Variants in ARID4A observed in about 807,000 individuals in gnomAD.
ARID4A encodes AT-rich interactive domain-containing protein 4A.
ARID4A carries 39 observed loss-of-function variants against 148.6 expected under a neutral mutation model. That is an observed-to-expected ratio of 0.26 (90% CI 0.20 to 0.34). The LOEUF (loss-of-function observed/expected upper bound fraction) is 0.34. Among genes scored for constraint, ARID4A ranks in the 10% least tolerant of loss-of-function variants. The pLI, the probability that ARID4A is intolerant of heterozygous loss-of-function variation, is 1.00. For synonymous variants in ARID4A, 475 were observed against 481.2 expected (o/e 0.99, Z 0.17); for missense variants, 1,265 against 1,449.1 (o/e 0.87, Z 2.06).
In ARID4A at chr14:58,341,241, A is replaced by G. The variant is rs550956343; in HGVS notation, c.907-3454A>G. 1.4e-4 allele frequency among the ~76,000 whole-genome samples: 21 copies of G among 152,296 alleles called. 1 individual carries two copies. In the South Asian group the frequency reaches 2.3e-3, roughly 17 times the overall value. ...TTCTTGGCTGAGAAATTTTAAATAT[A>G]CAAATCTGATCTAATTCTCTTTAGC... On this transcript the variant is annotated intron_variant, in intron 11 of 23. Coordinates refer to ENST00000355431, the MANE Select transcript of ARID4A (RefSeq NM_002892.4).
chr14:58,300,941 A>T (rs2031107185), intron 2 of ARID4A, among the ~76,000 whole-genome samples: 1 of 152,170 alleles, frequency 6.6e-6, no homozygotes, highest in South Asian at 2.1e-4. Flanking sequence ...TGCTGAAAGT[A>T]GATGTTTCTT....
At chr14:58,334,581 C>A (rs750107509) in intron 11 of ARID4A, among the ~76,000 whole-genome samples, 3 of 152,144 alleles carry the variant, frequency 2.0e-5, no homozygotes, top group Non-Finnish European at 4.4e-5. Context: ...CTCCATTAAA[C>A]CAATAATCCT....
intron 5 of ARID4A, among the ~76,000 whole-genome samples, chr14:58,312,271 C>T (rs2032098844): frequency 6.7e-6 from 1 of 149,470 alleles, no homozygotes; most frequent in African/African-American, 2.5e-5. Flanking sequence ...GGCTGGAGAG[C>T]AGTGGCGCGA....
chr14:58,310,988 G>A (rs1371427279), intron 5 of ARID4A, among the ~76,000 whole-genome samples: 3 of 152,182 alleles, frequency 2.0e-5, no homozygotes, highest in Non-Finnish European at 2.9e-5. Flanking sequence ...GCTCACGCCT[G>A]TAATCCCAGC....
At chr14:58,305,536 C>T (rs2049454591) in intron 4 of ARID4A, among the ~76,000 whole-genome samples, 1 of 152,170 alleles carries the variant, frequency 6.6e-6, no homozygotes, top group African/African-American at 2.4e-5. Context: ...GAAAGAAGGT[C>T]AACTGGTCCA....
At chr14:58,329,348 A>C (rs2033391206) in intron 9 of ARID4A, among the ~76,000 whole-genome samples, 180 bp from the exon 10 acceptor site, 1 of 152,234 alleles carries the variant, frequency 6.6e-6, no homozygotes, top group Non-Finnish European at 1.5e-5. Flanking sequence ...CTTCAGAATT[A>C]AGATAACTAA....
At chr14:58,302,126 A>C (rs1216149838) in intron 3 of ARID4A, among the ~76,000 whole-genome samples, 1 of 151,796 alleles carries the variant, frequency 6.6e-6, no homozygotes, top group Non-Finnish European at 1.5e-5. Flanking sequence ...GGGAGGCCGA[A>C]GTGGGCAGAT....
intron 16 of ARID4A, chr14:58,351,535 C>T: frequency 2.0e-6 from 1 of 504,234 alleles, no homozygotes; most frequent in Non-Finnish European, 3.3e-6. Context: ...AGCACTTGTG[C>T]CCTAAACAGT....
intron 5 of ARID4A, among the ~76,000 whole-genome samples, chr14:58,317,385 C>T (rs1484626850): frequency 2.0e-5 from 3 of 147,364 alleles, no homozygotes; most frequent in Middle Eastern, 3.5e-3. Context: ...CCTGGGTTCA[C>T]GCCATTCTCC....
chr14:58,312,253 G>A (rs981253376), intron 5 of ARID4A, among the ~76,000 whole-genome samples: 1 of 133,374 alleles, frequency 7.5e-6, no homozygotes, highest in African/African-American at 2.9e-5. Context: ...GTCTCGCTTT[G>A]TTGCCCAGGC....
At chr14:58,317,589 C>T (rs1414238810) in intron 5 of ARID4A, among the ~76,000 whole-genome samples, 5 of 147,430 alleles carry the variant, frequency 3.4e-5, no homozygotes, top group Non-Finnish European at 7.4e-5. Flanking sequence ...CGCGCCTGGC[C>T]TAAAGTTTCT....
intron 5 of ARID4A, among the ~76,000 whole-genome samples, chr14:58,316,906 A>G (rs1419565576): frequency 4.0e-5 from 2 of 50,436 alleles, no homozygotes; most frequent in African/African-American, 1.7e-4. Context: ...TAAAATATGT[A>G]CTAAAGGCCA....
intron 11 of ARID4A, among the ~76,000 whole-genome samples, chr14:58,330,811 A>G (rs2033477180): frequency 1.3e-5 from 2 of 152,234 alleles, no homozygotes; most frequent in South Asian, 4.1e-4. Flanking sequence ...CATGTCATTT[A>G]TAATATGCAT....
At position 58,372,713 on chromosome 14, in the gene ARID4A, TTG is replaced by T. The variant is rs1412509590; in HGVS notation, c.*726_*727del. On this transcript the variant is annotated 3_prime_UTR_variant, in exon 24 of 24. Transcript: ENST00000355431. ...TATCTTATCCCTTGACAAAAATATT[TTG>T]TCTTTTTTCTATGTAATTTCAGAGT... is the stretch of plus-strand genomic sequence containing the variant. 1.6e-4 allele frequency: 29 copies of T among 184,920 alleles called. No individual in the cohort carries two copies. The highest frequency in any genetic ancestry group is 1.7e-4 in the Non-Finnish European group (15 of 87,048). The allele number at this position is 184,920 out of a possible 1,614,324, so 11.5% of individuals were successfully genotyped here.
chr14:58,326,780 A>G (rs1029760670), intron 8 of ARID4A, among the ~76,000 whole-genome samples: 4 of 152,116 alleles, frequency 2.6e-5, no homozygotes, highest in Non-Finnish European at 4.4e-5. Context: ...ATCCTTTAAA[A>G]TTTACCTTAA....
Position 58,299,847 on chromosome 14 carries a change from C to T in ARID4A, c.-8C>T. The T allele has an allele frequency of 6.2e-7, 1 of 1,614,186 alleles. No homozygotes were observed. The highest frequency in any genetic ancestry group is 2.2e-5 in the East Asian group (1 of 44,874). ...GCTGAGCTGGAACCCCACAGATCAC[C>T]AACAAAAATGAAGGTAAGTGGAGTC... is the stretch of plus-strand genomic sequence containing the variant. On this transcript the variant is annotated 5_prime_UTR_variant, in exon 2 of 24. Transcript: ENST00000355431.
intron 18 of ARID4A, 102 bp from the exon 19 acceptor site, chr14:58,360,799 A>G (rs1457931334): frequency 8.7e-6 from 11 of 1,260,368 alleles, no homozygotes; most frequent in Non-Finnish European, 1.2e-5. Flanking sequence ...TGACATATAA[A>G]ATATCAAACC....
At chr14:58,365,774 T>C (rs2035335226) in intron 21 of ARID4A, 152 bp downstream of exon 21, 2 of 768,520 alleles carry the variant, frequency 2.6e-6, no homozygotes, top group Admixed American at 3.2e-5. Flanking sequence ...ATTTTTATTC[T>C]TAGGAACTCT....
At chr14:58,329,696 C>T in intron 10 of ARID4A, 92 bp downstream of exon 10, 2 of 1,149,122 alleles carry the variant, frequency 1.7e-6, no homozygotes, top group Non-Finnish European at 2.6e-6. Flanking sequence ...CTGGTACCAC[C>T]ATTTTAACTG....
Sources: allele counts gnomAD v4.1 joint callset (sites outside exome capture counted in the v4.1 genomes callset), GRCh38; gene constraint gnomAD v4.1.1; transcripts MANE v1.5; gene names NCBI Gene and HGNC (gene_info 2026-07-23, HGNC 2026-07-21).